EPM2A: variants seen among roughly 807,000 people sequenced by gnomAD.
The protein encoded by EPM2A is laforin.
EPM2A carries 21 observed loss-of-function variants against 26.5 expected under a neutral mutation model. The observed-to-expected ratio is 0.79, with a 90% confidence interval of 0.56 to 1.14. The LOEUF is 1.14. EPM2A is among the 50% of genes most tolerant of loss of function. The pLI, the probability that EPM2A is intolerant of heterozygous loss-of-function variation, is 0.00. For missense variants in EPM2A, 458 were observed against 440.8 expected (o/e 1.04, Z -0.35); for synonymous variants, 217 against 177.6 (o/e 1.22, Z -1.76).
intron 1 of EPM2A, among the ~76,000 whole-genome samples, chr6:145,705,260 G>A (rs970294596): frequency 1.3e-5 from 2 of 152,024 alleles, no homozygotes. Context: ...ACCAGCCTGG[G>A]CAACATGGTG....
intron 2 of EPM2A, among the ~76,000 whole-genome samples, chr6:145,597,467 ATT>A (rs1177054458): frequency 9.1e-4 from 128 of 140,126 alleles, no homozygotes; most frequent in African/African-American, 3.0e-3. Context: ...TGACCTGTTT[ATT>A]TTTTTTTCTT....
intron 3 of EPM2A, among the ~76,000 whole-genome samples, chr6:145,632,668 T>C (rs1776353899): frequency 6.6e-6 from 1 of 152,228 alleles, no homozygotes; most frequent in African/African-American, 2.4e-5. Flanking sequence ...AACTGTCTTC[T>C]TTCTCAGACT....
intron 2 of EPM2A, among the ~76,000 whole-genome samples, chr6:145,591,673 C>A (rs1450263433): frequency 6.6e-6 from 1 of 151,702 alleles, no homozygotes; most frequent in Non-Finnish European, 1.5e-5. Context: ...CAGACCTGCA[C>A]CGTAAGAAAC....
chr6:145,415,087 T>C (rs1778690472), intron 4 of EPM2A, among the ~76,000 whole-genome samples: 1 of 152,164 alleles, frequency 6.6e-6, no homozygotes, highest in African/African-American at 2.4e-5. Flanking sequence ...TTAGTCATAA[T>C]CACCAAGTAC....
exon 4 of EPM2A, chr6:145,501,813 T>C (rs1464950145): frequency 2.1e-6 from 1 of 471,186 alleles, no homozygotes; most frequent in Admixed American, 2.3e-5. Context: ...TGTCTTACTT[T>C]TGTTTTAAGT....
At chr6:145,543,533 T>A (rs1039893716) in intron 2 of EPM2A, among the ~76,000 whole-genome samples, 4 of 151,904 alleles carry the variant, frequency 2.6e-5, no homozygotes, top group Non-Finnish European at 5.9e-5. Flanking sequence ...GAAAAAAAAA[T>A]AAAGTTTACT....
At chr6:145,440,910 A>C (rs992061623) in intron 4 of EPM2A, among the ~76,000 whole-genome samples, 1 of 152,138 alleles carries the variant, frequency 6.6e-6, no homozygotes, top group Admixed American at 6.5e-5. Context: ...GCATGGTGCA[A>C]GCTGTCGGTG....
intron 1 of EPM2A, among the ~76,000 whole-genome samples, chr6:145,695,563 G>T (rs951992910): frequency 6.6e-6 from 1 of 151,922 alleles, no homozygotes; most frequent in Non-Finnish European, 1.5e-5. Flanking sequence ...CACTTTACTT[G>T]TAAGAACACA....
At chr6:145,411,283 A>G (rs963721697) in intron 4 of EPM2A, among the ~76,000 whole-genome samples, 6 of 152,222 alleles carry the variant, frequency 3.9e-5, no homozygotes, top group African/African-American at 1.4e-4. Flanking sequence ...ATTCCCTAAT[A>G]AGTTTATTTT....
intron 2 of EPM2A, among the ~76,000 whole-genome samples, chr6:145,560,588 G>A (rs751861159): frequency 6.6e-6 from 1 of 152,086 alleles, no homozygotes; most frequent in African/African-American, 2.4e-5. Flanking sequence ...AATCCATATC[G>A]ACATCTAAAT....
At chr6:145,462,125 T>C (rs1779334606) in intron 4 of EPM2A, among the ~76,000 whole-genome samples, 1 of 152,200 alleles carries the variant, frequency 6.6e-6, no homozygotes, top group Non-Finnish European at 1.5e-5. Context: ...ACCATTAAAA[T>C]ACCAACAAAT....
At chr6:145,439,982 T>C (rs1779041382) in intron 4 of EPM2A, among the ~76,000 whole-genome samples, 1 of 152,220 alleles carries the variant, frequency 6.6e-6, no homozygotes, top group African/African-American at 2.4e-5. Flanking sequence ...CACATTGAGT[T>C]GTTTTTGTAT....
intron 1 of EPM2A, among the ~76,000 whole-genome samples, chr6:145,693,204 G>A (rs551530488): frequency 6.6e-6 from 1 of 151,888 alleles, no homozygotes; most frequent in East Asian, 1.9e-4. Flanking sequence ...TCTTGATTTG[G>A]CTCTCAGCTT....
At chr6:145,484,506 T>A (rs939793790) in intron 4 of EPM2A, among the ~76,000 whole-genome samples, 1 of 152,184 alleles carries the variant, frequency 6.6e-6, no homozygotes, top group Admixed American at 6.5e-5. Flanking sequence ...CAAAGAATCA[T>A]CTGTTAGTAT....
rs1282051540 is a variant in EPM2A, at chr6:145,385,235, A to G, written c.556-1138T>C. Among the ~76,000 whole-genome samples the G allele has an allele frequency of 1.4e-5, 2 of 147,566 alleles. 1 individual carries two copies. Among genetic ancestry groups the G allele is most frequent in the Non-Finnish European group, 3.0e-5 (2 of 66,816 alleles). ...ATAATGCCCTTTTTAAGGGAATTAC[A>G]AAGGATGAAGAGATCCTTGCCTTCA... On this transcript the variant is annotated intron_variant, in intron 4 of 4. Transcript: ENST00000638717.
intron 4 of EPM2A, among the ~76,000 whole-genome samples, chr6:145,417,279 A>G (rs1262338880): frequency 6.6e-6 from 1 of 152,134 alleles, no homozygotes; most frequent in Non-Finnish European, 1.5e-5. Flanking sequence ...AAGTCTGTAA[A>G]ACTGTATTGC....
intron 2 of EPM2A, among the ~76,000 whole-genome samples, chr6:145,611,903 C>T (rs1465490938): frequency 6.6e-6 from 1 of 152,024 alleles, no homozygotes; most frequent in African/African-American, 2.4e-5. Flanking sequence ...GTTTTAGATG[C>T]AGGGAAACCA....
intron 4 of EPM2A, among the ~76,000 whole-genome samples, chr6:145,471,609 G>C (rs2114725643): frequency 6.6e-6 from 1 of 152,220 alleles, no homozygotes; most frequent in East Asian, 1.9e-4. Flanking sequence ...AGCCTCTATG[G>C]GCATTGGCGG....
At chr6:145,676,366 C>G (rs763639955) in intron 2 of EPM2A, among the ~76,000 whole-genome samples, 3 of 152,118 alleles carry the variant, frequency 2.0e-5, no homozygotes, top group Admixed American at 2.0e-4. Flanking sequence ...ATTAAAAGAA[C>G]TGTAGAAGCA....
Sources: allele counts gnomAD v4.1 joint callset (sites outside exome capture counted in the v4.1 genomes callset), GRCh38; gene constraint gnomAD v4.1.1; transcripts MANE v1.5; gene names NCBI Gene and HGNC (gene_info 2026-07-23, HGNC 2026-07-21).